The following TMEM132D variants were observed in gnomAD, a reference collection of about 807,000 sequenced individuals.
TMEM132D encodes the protein transmembrane protein 132D, also known as mature OL transmembrane protein.
Under a neutral mutation model 62.3 loss-of-function variants are expected in TMEM132D, and 21 were observed. The observed-to-expected ratio is 0.34, with a 90% CI of 0.24 to 0.49. The LOEUF is 0.49. Among genes scored for constraint, TMEM132D ranks in the 20% least tolerant of loss-of-function variants. The pLI, the probability that TMEM132D is intolerant of heterozygous loss-of-function variation, is 0.99. For synonymous variants in TMEM132D, 621 were observed against 575.6 expected (o/e 1.08, Z -1.13); for missense variants, 1,346 against 1,402.8 (o/e 0.96, Z 0.65).
rs78548689 is a variant in TMEM132D, at chr12:129,900,511, C to T, written c.79+2750G>A. Among the ~76,000 whole-genome samples the T allele has an allele frequency of 7.0e-4, 107 of 152,294 alleles. 1 individual carries two copies. In the South Asian group the frequency reaches 0.021, roughly 30 times the overall value. On this transcript the variant is annotated intron_variant, in intron 1 of 8. Transcript: ENST00000422113. ...GCTCGCAATGTTGCAGGTCTCTCAG[C>T]GTCTGCTTCTTTCCTACCAGCATGT...
chr12:129,871,738 G>A (rs570781922), intron 1 of TMEM132D, among the ~76,000 whole-genome samples: 12 of 152,278 alleles, frequency 7.9e-5, no homozygotes, highest in African/African-American at 1.9e-4. Context: ...CCATGTGGGC[G>A]TGAGAACCAA....
chr12:129,621,404 C>T (rs1221791849), intron 2 of TMEM132D, among the ~76,000 whole-genome samples: 2 of 151,608 alleles, frequency 1.3e-5, no homozygotes, highest in Non-Finnish European at 2.9e-5. Context: ...GCCCCCACTG[C>T]CACATGTTGT....
chr12:129,494,896 T>C (rs1305580829), intron 3 of TMEM132D, among the ~76,000 whole-genome samples: 1 of 152,198 alleles, frequency 6.6e-6, no homozygotes, highest in Admixed American at 6.5e-5. Context: ...ATATGCCCTG[T>C]ACTCAGTAGT....
intron 4 of TMEM132D, among the ~76,000 whole-genome samples, chr12:129,285,409 C>A (rs1028262239): frequency 1.3e-5 from 2 of 151,632 alleles, no homozygotes; most frequent in Non-Finnish European, 2.9e-5. Flanking sequence ...TGCCTGTAAT[C>A]CCAGCGACCC....
chr12:129,493,329 C>A (rs574567978), intron 3 of TMEM132D, among the ~76,000 whole-genome samples: 6 of 152,230 alleles, frequency 3.9e-5, no homozygotes, highest in South Asian at 4.1e-4. Flanking sequence ...TATTAGTTCA[C>A]ATTTCTGAGA....
chr12:129,359,093 C>T (rs578178626), intron 3 of TMEM132D, among the ~76,000 whole-genome samples: 2 of 152,002 alleles, frequency 1.3e-5, no homozygotes, highest in African/African-American at 4.8e-5. Context: ...TATTCAGTTA[C>T]AAGAAGGAAA....
intron 2 of TMEM132D, among the ~76,000 whole-genome samples, chr12:129,692,511 T>A (rs2137217900): frequency 6.6e-6 from 1 of 152,282 alleles, no homozygotes; most frequent in Admixed American, 6.5e-5. Flanking sequence ...GGAATATAAA[T>A]CATTCTATTA....
chr12:129,609,303 C>T lies in TMEM132D; in HGVS notation c.969-78098G>A, dbSNP rs138684311. On this transcript the variant is annotated intron_variant, in intron 2 of 8. Coordinates refer to ENST00000422113, the MANE Select transcript of TMEM132D (RefSeq NM_133448.3). ...GCTAATATTGATGGTTGGGAACCAC[C>T]TTCTGTGAACCACTATCTGAAAGAG... 4.3e-3 allele frequency among the ~76,000 whole-genome samples: 656 copies of T among 152,142 alleles called. 3 individuals are homozygous for T. The highest frequency in any genetic ancestry group is 6.8e-3 in the Non-Finnish European group (461 of 67,992).
intron 2 of TMEM132D, among the ~76,000 whole-genome samples, chr12:129,571,304 G>A (rs973300599): frequency 9.9e-5 from 15 of 152,138 alleles, no homozygotes; most frequent in African/African-American, 3.1e-4. Context: ...GGTGGTTCAC[G>A]CCTATAATCC....
intron 3 of TMEM132D, among the ~76,000 whole-genome samples, chr12:129,462,353 G>A (rs191447061): frequency 8.2e-4 from 125 of 152,266 alleles, no homozygotes; most frequent in Non-Finnish European, 1.6e-3. Flanking sequence ...AAAAAGAGAC[G>A]CTCAAAGGTA....
At chr12:129,824,488 G>A (rs1026917083) in intron 1 of TMEM132D, among the ~76,000 whole-genome samples, 13 of 151,848 alleles carry the variant, frequency 8.6e-5, no homozygotes, top group South Asian at 4.2e-4. Flanking sequence ...CAAGTATGAC[G>A]GATTCAGGAG....
chr12:129,109,093 CAATT>C (rs1433421915), intron 5 of TMEM132D, among the ~76,000 whole-genome samples: 4 of 152,332 alleles, frequency 2.6e-5, no homozygotes, highest in African/African-American at 9.6e-5. Context: ...AACATGAACA[CAATT>C]AAGTCCTTTT....
intron 1 of TMEM132D, among the ~76,000 whole-genome samples, chr12:129,724,947 GCCTCA>G (rs1165423765): frequency 3.4e-4 from 52 of 152,222 alleles, no homozygotes; most frequent in Non-Finnish European, 5.9e-5. Context: ...GGGATCATGT[GCCTCA>G]CTTCTAATCA....
chr12:129,093,856 A>G (rs949764378), intron 5 of TMEM132D, among the ~76,000 whole-genome samples: 3 of 94,378 alleles, frequency 3.2e-5, no homozygotes, highest in African/African-American at 1.7e-4. Context: ...ATGGAACAGA[A>G]CAGAGCCCTC....
intron 2 of TMEM132D, among the ~76,000 whole-genome samples, chr12:129,697,449 C>T (rs1881234430): frequency 6.6e-6 from 1 of 152,184 alleles, no homozygotes; most frequent in Non-Finnish European, 1.5e-5. Context: ...ACATGAGACT[C>T]ATCCATAATC....
chr12:129,748,314 G>A (rs527250489), intron 1 of TMEM132D, among the ~76,000 whole-genome samples: 1 of 152,190 alleles, frequency 6.6e-6, no homozygotes, highest in South Asian at 2.1e-4. Flanking sequence ...TGAAGATACC[G>A]ACTGGCTTTG....
At chr12:129,800,547 G>A (rs909897858) in intron 1 of TMEM132D, among the ~76,000 whole-genome samples, 10 of 152,292 alleles carry the variant, frequency 6.6e-5, no homozygotes, top group Admixed American at 5.2e-4. Flanking sequence ...CAAAAGGGGA[G>A]CAGTGGAGGC....
intron 2 of TMEM132D, among the ~76,000 whole-genome samples, chr12:129,693,572 C>G (rs1209276548): frequency 6.6e-6 from 1 of 152,114 alleles, no homozygotes; most frequent in Non-Finnish European, 1.5e-5. Flanking sequence ...CAGCGCGGTG[C>G]TGGTGAGGTG....
At chr12:129,452,649 A>T (rs946013163) in intron 3 of TMEM132D, among the ~76,000 whole-genome samples, 2 of 152,100 alleles carry the variant, frequency 1.3e-5, no homozygotes, top group Admixed American at 1.3e-4. Context: ...ACCTTTGTTG[A>T]TCCATGGCTT....
Sources: gnomAD v4.1 joint callset for allele counts (sites outside exome capture counted in the v4.1 genomes callset) on GRCh38, gnomAD v4.1.1 for gene constraint, MANE v1.5 for transcripts, NCBI Gene and HGNC (gene_info 2026-07-23, HGNC 2026-07-21) for gene names.